Variants in PPARGC1B observed in about 807,000 individuals in gnomAD.
The protein encoded by PPARGC1B is peroxisome proliferator-activated receptor gamma coactivator 1-beta.
Under a neutral mutation model 101.6 loss-of-function variants are expected in PPARGC1B, and 34 were observed. That is an observed-to-expected ratio of 0.33 (90% CI 0.25 to 0.45). The LOEUF (loss-of-function observed/expected upper bound fraction) is 0.45, where lower values mean the gene tolerates loss of function less well. Ranked by LOEUF, PPARGC1B falls within the 20% of genes least tolerant of loss-of-function variation. The pLI is 1.00. For missense variants in PPARGC1B, 1,234 were observed against 1,317.6 expected, an observed-to-expected ratio of 0.94 and a Z score of 0.98; for synonymous variants, 548 against 539.3, an observed-to-expected ratio of 1.02 and a Z score of -0.22.
chr5:149,795,607 G>A (rs1158021561), intron 1 of PPARGC1B, among the ~76,000 whole-genome samples: 6 of 152,140 alleles, frequency 3.9e-5, no homozygotes, highest in Non-Finnish European at 8.8e-5. Context: ...GTACAGGTGT[G>A]GATGCCATGT....
intron 2 of PPARGC1B, 130 bp from the exon 3 acceptor site, chr5:149,826,543 G>C: frequency 1.4e-6 from 1 of 701,400 alleles, no homozygotes; most frequent in South Asian, 1.7e-5. Context: ...AGAGGGGAGG[G>C]TATGGCAGGA....
intron 6 of PPARGC1B, 149 bp from the exon 7 acceptor site, chr5:149,835,152 C>T: frequency 4.0e-6 from 3 of 748,048 alleles, no homozygotes; most frequent in Non-Finnish European, 7.1e-6. Flanking sequence ...ATGGGGTTTC[C>T]CCCAGAGCGA....
In PPARGC1B at chr5:149,833,074, A is replaced by G. The variant is rs149786627; in HGVS notation, c.1001A>G (p.Lys334Arg). Residue 334 changes from lysine (K) to arginine (R), a missense_variant, in exon 5 of 12, where the codon AAA becomes AGA. Lys to Arg is a conservative substitution (Grantham distance 26). Around this residue, in one of 3 missense-constraint regions of PPARGC1B, gnomAD observed 734 missense variants for 768.4 expected, o/e 0.96. Transcript: ENST00000309241. The surrounding 1 kb of genome is among the most constrained non-coding windows in gnomAD (Gnocchi z 4.1). ...CGGCCCTGGTCCCGGCACCACTCCA[A>G]AGCCTCCTGGGCTGAGTTCTCCATT... is the stretch of plus-strand genomic sequence containing the variant. ...RSRPWSRHHSKASWAEFSILR... is the reference protein window; with the variant it reads ...RSRPWSRHHSRASWAEFSILR... 30 of 1,613,650 alleles carry G rather than the reference A, an allele frequency of 1.9e-5. No homozygotes were observed. Among genetic ancestry groups the G allele is most frequent in the Middle Eastern group, 3.3e-4 (2 of 6,084 alleles).
rs192153862 is a variant in PPARGC1B at position 149,805,508 on chromosome 5, C to T, written c.79-14925C>T. Among the ~76,000 whole-genome samples the T allele has an allele frequency of 2.3e-3, 355 of 152,192 alleles. 1 individual carries two copies. The highest frequency in any genetic ancestry group is 7.9e-3 in the African/African-American group (328 of 41,540). On this transcript the variant is annotated intron_variant, in intron 1 of 11. Transcript: ENST00000309241. ...AGGCTGGAGTGCAGTGGCATGATCTCGGCTCACTGCAACCTCTGCCTCCCG... is the reference window on the plus strand; with the variant it reads ...AGGCTGGAGTGCAGTGGCATGATCTTGGCTCACTGCAACCTCTGCCTCCCG...
At chr5:149,785,900 C>A (rs1756784614) in intron 1 of PPARGC1B, among the ~76,000 whole-genome samples, 1 of 151,328 alleles carries the variant, frequency 6.6e-6, no homozygotes, top group South Asian at 2.1e-4. Flanking sequence ...GAGGGCTGAA[C>A]CCCTGACACT....
intron 3 of PPARGC1B, among the ~76,000 whole-genome samples, chr5:149,827,727 G>A (rs1279822739): frequency 2.0e-5 from 3 of 152,198 alleles, no homozygotes; most frequent in Admixed American, 6.5e-5. Context: ...GAGCGTGTGC[G>A]GAATGTGGAA....
chr5:149,766,552 C>T (rs1755918747), intron 1 of PPARGC1B, among the ~76,000 whole-genome samples: 1 of 151,822 alleles, frequency 6.6e-6, no homozygotes, highest in Non-Finnish European at 1.5e-5. Context: ...AAATGTGAAC[C>T]AGGCAGGATG....
chr5:149,806,845 C>T (rs1027962600), intron 1 of PPARGC1B, among the ~76,000 whole-genome samples: 1 of 151,946 alleles, frequency 6.6e-6, no homozygotes, highest in Non-Finnish European at 1.5e-5. Flanking sequence ...GTCCTCAGGC[C>T]GTCCACCCAC....
intron 9 of PPARGC1B, 83 bp from the exon 10 acceptor site, chr5:149,842,173 G>A: frequency 6.4e-7 from 1 of 1,552,604 alleles, no homozygotes; most frequent in Non-Finnish European, 8.8e-7. Context: ...ACTAGGACAA[G>A]GACTCCACGG....
chr5:149,848,257 C>T lies in PPARGC1B; in HGVS notation c.*699C>T, dbSNP rs1412397851. On this transcript the variant is annotated 3_prime_UTR_variant, in exon 12 of 12. Coordinates refer to ENST00000309241, the MANE Select transcript of PPARGC1B (RefSeq NM_133263.4). The stretch of plus-strand genomic sequence containing the variant: ...AGTTTGGCTCAAATTATAGGAGCCC[C>T]CATCTTGTGCCCAGCTCATGCTCCA... 3 of 152,352 alleles carry T rather than the reference C, an allele frequency of 2.0e-5. No homozygotes were observed. Among genetic ancestry groups the T allele is most frequent in the East Asian group, 3.9e-4 (2 of 5,182 alleles). 9.4% of individuals were successfully genotyped at this position (152,352 alleles called of 1,614,324 possible).
chr5:149,845,199 C>G (rs797005720), intron 10 of PPARGC1B, among the ~76,000 whole-genome samples: 1 of 152,248 alleles, frequency 6.6e-6, no homozygotes, highest in South Asian at 2.1e-4. Flanking sequence ...GGGCAAGATG[C>G]GTGCAGAAGA....
intron 1 of PPARGC1B, among the ~76,000 whole-genome samples, chr5:149,779,729 A>T (rs1756525108): frequency 1.3e-5 from 2 of 152,186 alleles, no homozygotes; most frequent in East Asian, 3.9e-4. Context: ...GGGTTCCAAG[A>T]GGAGGCCACA....
chr5:149,750,875 T>G (rs889642104), intron 1 of PPARGC1B, among the ~76,000 whole-genome samples: 11 of 152,242 alleles, frequency 7.2e-5, no homozygotes, highest in South Asian at 6.2e-4. Flanking sequence ...TGGCCAGGCT[T>G]CAGCCTGGAA....
Position 149,832,753 on chromosome 5 carries a change from T to C in PPARGC1B, c.680T>C (p.Leu227Pro). The C allele has an allele frequency of 6.2e-7, 1 of 1,612,440 alleles. No individual in the cohort carries two copies. The highest frequency in any genetic ancestry group is 8.5e-7 in the Non-Finnish European group (1 of 1,178,970). The change falls in exon 5 of 12, where the codon CTG becomes CCG. Residue 227 changes from leucine to proline, a missense_variant. By Grantham distance (98) the Leu-to-Pro change is moderately conservative. Coordinates refer to ENST00000309241, the MANE Select transcript of PPARGC1B (RefSeq NM_133263.4). The surrounding 1 kb of genome is among the most constrained non-coding windows in gnomAD (Gnocchi z 4.9). ...CACCTCACCTCGGCACAGTGCTGCC[T>C]GCAGGATCGGGGTCTGCAGCCACCA... ...HKHLTSAQCC[L>P]QDRGLQPPCL...
rs1241517938 is a variant in PPARGC1B, at chr5:149,730,745, G to T, written c.78+325G>T. 6.6e-6 allele frequency among the ~76,000 whole-genome samples: 1 copy of T among 152,158 alleles called. No homozygotes were observed. Among genetic ancestry groups the T allele is most frequent in the Admixed American group, 6.5e-5 (1 of 15,284 alleles). Reference sequence around the variant, plus strand: ...GAGGTGGAGGCGCGCCACGGTGTGGGGTACCCTCAGGCTGGCGCTGGGTGC... The same window carrying T: ...GAGGTGGAGGCGCGCCACGGTGTGGTGTACCCTCAGGCTGGCGCTGGGTGC... On this transcript the variant is annotated intron_variant, in intron 1 of 11. Transcript: ENST00000309241. The surrounding 1 kb of genome is among the most constrained non-coding windows in gnomAD (Gnocchi z 4.0).
chr5:149,817,971 A>C (rs554429127), intron 1 of PPARGC1B, among the ~76,000 whole-genome samples: 2 of 152,262 alleles, frequency 1.3e-5, no homozygotes, highest in East Asian at 3.8e-4. Context: ...CCAATTATCC[A>C]TGTAGAACAG....
intron 1 of PPARGC1B, among the ~76,000 whole-genome samples, chr5:149,819,097 C>A (rs1252153735): frequency 3.3e-5 from 5 of 152,216 alleles, no homozygotes; most frequent in Non-Finnish European, 5.9e-5. Context: ...GATTCAGTAG[C>A]TCTGGGTTTA....
downstream of PPARGC1B, among the ~76,000 whole-genome samples, chr5:149,856,732 C>T (rs1759962240): frequency 6.7e-6 from 1 of 149,034 alleles, no homozygotes; most frequent in East Asian, 2.0e-4. Flanking sequence ...AAAATGCTTA[C>T]AAGCTGGGGT....
intron 11 of PPARGC1B, 186 bp downstream of exon 11, chr5:149,846,100 C>T: frequency 1.5e-6 from 1 of 674,986 alleles, no homozygotes; most frequent in Non-Finnish European, 2.6e-6. Flanking sequence ...TCTCTTCTGG[C>T]CTCTGGTCCA....
Sources: allele counts gnomAD v4.1 joint callset (sites outside exome capture counted in the v4.1 genomes callset), GRCh38; gene constraint gnomAD v4.1.1; regional missense constraint gnomAD v4.1.1; non-coding constraint Gnocchi (gnomAD v3.1); transcripts MANE v1.5; gene names NCBI Gene and HGNC (gene_info 2026-07-23, HGNC 2026-07-21).